The following ARSB variants were observed in gnomAD, a reference collection of about 807,000 sequenced individuals.
ARSB encodes the protein arylsulfatase B.
A neutral mutation model predicts 50.9 loss-of-function variants in ARSB; 41 were observed. That is an observed-to-expected ratio of 0.81 (90% CI 0.63 to 1.04). The LOEUF (loss-of-function observed/expected upper bound fraction) is 1.04. Ranked by LOEUF, ARSB falls within the 50% of genes least tolerant of loss-of-function variation. ARSB has a pLI of 0.00. For synonymous variants in ARSB, 269 were observed against 284.8 expected (o/e 0.94, Z 0.56); for missense variants, 672 against 693.3 (o/e 0.97, Z 0.35).
intron 6 of ARSB, among the ~76,000 whole-genome samples, chr5:78,804,527 C>T (rs1743498336): frequency 6.6e-6 from 1 of 152,136 alleles, no homozygotes; most frequent in Admixed American, 6.5e-5. Context: ...GGTGAAAACA[C>T]CACTAGGAGC....
chr5:78,818,974 G>A (rs2112671160), intron 6 of ARSB, among the ~76,000 whole-genome samples: 1 of 152,248 alleles, frequency 6.6e-6, no homozygotes, highest in African/African-American at 2.4e-5. Flanking sequence ...ATGTCCCATT[G>A]ATCTTTACAC....
At chr5:78,898,470 A>G (rs2112261966) in intron 4 of ARSB, among the ~76,000 whole-genome samples, 1 of 152,336 alleles carries the variant, frequency 6.6e-6, no homozygotes, top group South Asian at 2.1e-4. Flanking sequence ...GACATTACAG[A>G]AAAAGAAAAC....
At chr5:78,849,526 T>G (rs1412268660) in intron 5 of ARSB, among the ~76,000 whole-genome samples, 1 of 152,116 alleles carries the variant, frequency 6.6e-6, no homozygotes, top group Non-Finnish European at 1.5e-5. Flanking sequence ...TTCTTTTGGC[T>G]TAGGATTGAC....
intron 5 of ARSB, among the ~76,000 whole-genome samples, chr5:78,864,775 T>C (rs974290298): frequency 6.6e-6 from 1 of 152,136 alleles, no homozygotes; most frequent in Non-Finnish European, 1.5e-5. Context: ...AGACATTGGG[T>C]AAATCCGACC....
intron 4 of ARSB, among the ~76,000 whole-genome samples, chr5:78,928,166 T>C (rs1408976683): frequency 6.6e-6 from 1 of 152,130 alleles, no homozygotes; most frequent in African/African-American, 2.4e-5. Flanking sequence ...TGAAGAGGGC[T>C]GTCTAACAGC....
At chr5:78,835,530 G>A (rs185512192) in intron 6 of ARSB, among the ~76,000 whole-genome samples, 11 of 152,244 alleles carry the variant, frequency 7.2e-5, no homozygotes, top group South Asian at 2.1e-4. Context: ...GTTTCGGAAC[G>A]GAAATCAGAA....
At chr5:78,891,134 T>C (rs981034200) in intron 4 of ARSB, among the ~76,000 whole-genome samples, 2 of 152,174 alleles carry the variant, frequency 1.3e-5, no homozygotes, top group African/African-American at 4.8e-5. Flanking sequence ...GAACAAATAA[T>C]TAGGGAAAAG....
intron 4 of ARSB, among the ~76,000 whole-genome samples, chr5:78,927,539 T>C (rs1025654241): frequency 1.3e-5 from 2 of 152,284 alleles, no homozygotes; most frequent in African/African-American, 4.8e-5. Context: ...GGCAGTTTGG[T>C]GTTCTAACAA....
chr5:78,808,397 G>A (rs903070732), intron 6 of ARSB, among the ~76,000 whole-genome samples: 6 of 152,126 alleles, frequency 3.9e-5, no homozygotes, highest in African/African-American at 1.2e-4. Flanking sequence ...GATGAGCAAT[G>A]TTTCCTAGAA....
intron 6 of ARSB, among the ~76,000 whole-genome samples, chr5:78,838,741 G>T (rs1745055876): frequency 6.6e-6 from 1 of 152,206 alleles, no homozygotes; most frequent in South Asian, 2.1e-4. Context: ...ATTTATACAG[G>T]CCTATTACAG....
At chr5:78,971,229 G>T (rs1238974715) in intron 1 of ARSB, among the ~76,000 whole-genome samples, 2 of 152,172 alleles carry the variant, frequency 1.3e-5, no homozygotes, top group African/African-American at 4.8e-5. Flanking sequence ...ATCCCTCCTT[G>T]TCTACCCAGT....
intron 4 of ARSB, among the ~76,000 whole-genome samples, chr5:78,906,135 A>T (rs948705635): frequency 7.3e-5 from 11 of 151,388 alleles, no homozygotes; most frequent in Admixed American, 1.3e-4. Flanking sequence ...CAGGCAACAT[A>T]GTGTGATCCA....
At chr5:78,811,980 T>G (rs1743824431) in intron 6 of ARSB, among the ~76,000 whole-genome samples, 1 of 152,210 alleles carries the variant, frequency 6.6e-6, no homozygotes, top group Non-Finnish European at 1.5e-5. Flanking sequence ...TACCAGTGAT[T>G]AAATATTCAG....
rs1053408378 is a variant in ARSB, at chr5:78,781,436, C to T, written c.1336+416G>A. Among the ~76,000 whole-genome samples, 3 of 141,076 alleles carry T rather than the reference C, an allele frequency of 2.1e-5. No individual in the cohort carries two copies. In the South Asian group the frequency reaches 6.7e-4, roughly 32 times the overall value. 92.6% of individuals were successfully genotyped at this position (141,076 alleles called of 152,430 possible). Reference sequence around the variant, plus strand: ...GTTTTGCAAAAGGCATTTGTTACTTCGGTAAGCTTCTCCTTGATGATCCAC... The same window carrying T: ...GTTTTGCAAAAGGCATTTGTTACTTTGGTAAGCTTCTCCTTGATGATCCAC... On this transcript the variant is annotated intron_variant, in intron 7 of 7. Transcript: ENST00000264914.
chr5:78,831,977 T>C (rs140286219), intron 6 of ARSB, among the ~76,000 whole-genome samples: 2 of 152,332 alleles, frequency 1.3e-5, no homozygotes, highest in East Asian at 3.9e-4. Context: ...GATAAATTAT[T>C]CATTTATTAG....
chr5:78,976,401 C>G (rs1752670525), intron 1 of ARSB, among the ~76,000 whole-genome samples: 1 of 149,890 alleles, frequency 6.7e-6, no homozygotes, highest in Admixed American at 6.8e-5. Context: ...GATTTCCCGC[C>G]ATCTACCCCC....
chr5:78,868,150 T>TA (rs1335256125), intron 5 of ARSB, among the ~76,000 whole-genome samples: 70 of 139,802 alleles, frequency 5.0e-4, no homozygotes, highest in African/African-American at 1.8e-3. Context: ...CTCCAAGAAA[T>TA]ATGGGACTAT....
chr5:78,977,158 CA>C (rs66806816), intron 1 of ARSB, among the ~76,000 whole-genome samples: 14 of 142,308 alleles, frequency 9.8e-5, no homozygotes, highest in African/African-American at 3.9e-4. Context: ...TTTCTTTCCC[CA>C]CTTCCCCCCC....
chr5:78,842,770 G>GTTTTTT (rs1554074484), intron 5 of ARSB, among the ~76,000 whole-genome samples: 1 of 136,328 alleles, frequency 7.3e-6, no homozygotes, highest in Non-Finnish European at 1.5e-5. Context: ...TTTTGTTTTT[G>GTTTTTT]TTTTTTTCCC....
Sources: gnomAD v4.1 joint callset for allele counts (sites outside exome capture counted in the v4.1 genomes callset) on GRCh38, gnomAD v4.1.1 for gene constraint, MANE v1.5 for transcripts, NCBI Gene and HGNC (gene_info 2026-07-23, HGNC 2026-07-21) for gene names.